SDK1: variants seen among roughly 807,000 people sequenced by gnomAD.
SDK1 encodes the protein protein sidekick-1.
SDK1 carries 157 observed loss-of-function variants against 245.5 expected under a neutral mutation model. That is an observed-to-expected ratio of 0.64 (90% CI 0.56 to 0.73). The LOEUF (loss-of-function observed/expected upper bound fraction) is 0.73, where lower values mean the gene tolerates loss of function less well. SDK1 is among the 30% of genes least tolerant of loss of function. SDK1 has a pLI of 0.00. For missense variants in SDK1, 3,583 were observed against 3,002.3 expected, an observed-to-expected ratio of 1.19 and a Z score of -4.52; for synonymous variants, 1,647 against 1,278.5, an observed-to-expected ratio of 1.29 and a Z score of -6.15.
intron 13 of SDK1, 197 bp downstream of exon 13, chr7:3,974,742 G>GT: frequency 1.9e-6 from 1 of 533,898 alleles, no homozygotes; most frequent in Middle Eastern, 4.7e-4. Flanking sequence ...GAATTGAGAA[G>GT]TTTCGTTTTT....
At chr7:3,504,178 A>ATGTGTGTGTGTG (rs1159786202) in intron 1 of SDK1, among the ~76,000 whole-genome samples, 55 of 52,428 alleles carry the variant, frequency 1.0e-3, no homozygotes, top group South Asian at 4.3e-3. Context: ...TTATATATAT[A>ATGTGTGTGTGTG]TATATGTGTG....
intron 8 of SDK1, among the ~76,000 whole-genome samples, chr7:3,961,237 G>A (rs956510652): frequency 2.0e-5 from 3 of 152,196 alleles, no homozygotes; most frequent in African/African-American, 7.2e-5. Context: ...TCATGTAACT[G>A]CTATTATGAG....
At chr7:3,620,752 G>C (rs1165390708) in intron 2 of SDK1, among the ~76,000 whole-genome samples, 1 of 152,088 alleles carries the variant, frequency 6.6e-6, no homozygotes, top group Non-Finnish European at 1.5e-5. Context: ...TCAAAGGCAT[G>C]GACACTCCCT....
At chr7:3,787,599 T>C (rs1360461471) in intron 4 of SDK1, among the ~76,000 whole-genome samples, 1 of 152,208 alleles carries the variant, frequency 6.6e-6, no homozygotes, top group African/African-American at 2.4e-5. Flanking sequence ...TACCATTTTA[T>C]AAATACGAAG....
chr7:4,155,758 A>G (rs1033420762), intron 30 of SDK1, among the ~76,000 whole-genome samples: 10 of 152,158 alleles, frequency 6.6e-5, no homozygotes, highest in Non-Finnish European at 1.3e-4. Flanking sequence ...ATCCTTATTC[A>G]ATCCTTCCAC....
chr7:4,073,491 G>A (rs960891669), intron 20 of SDK1, among the ~76,000 whole-genome samples: 1 of 152,174 alleles, frequency 6.6e-6, no homozygotes, highest in African/African-American at 2.4e-5. Context: ...TGGAATTGCC[G>A]TGTTTCAGCT....
intron 17 of SDK1, among the ~76,000 whole-genome samples, chr7:4,031,994 T>A (rs983040105): frequency 6.3e-5 from 9 of 143,758 alleles, no homozygotes; most frequent in Non-Finnish European, 1.3e-4. Flanking sequence ...GCCACTGCAC[T>A]CCAGCCTGGG....
At chr7:3,840,990 G>A (rs2115087886) in intron 5 of SDK1, among the ~76,000 whole-genome samples, 1 of 152,286 alleles carries the variant, frequency 6.6e-6, no homozygotes, top group Non-Finnish European at 1.5e-5. Context: ...CTGGGGATGT[G>A]TTATTACCAA....
intron 1 of SDK1, among the ~76,000 whole-genome samples, chr7:3,448,827 G>A (rs1024135515): frequency 3.3e-5 from 5 of 152,100 alleles, no homozygotes; most frequent in South Asian, 2.1e-4. Context: ...TTAAAAGCAG[G>A]ATTTAGTAAG....
At position 3,421,092 on chromosome 7, in the gene SDK1, C is replaced by CTT. The variant is rs570530094; in HGVS notation, c.298+119221_298+119222dup. ...TTTTTAACAGCAAATCTGTACTCTC[C>CTT]TTTTTTTTTTTTTTGGTGGCCCAGG... On this transcript the variant is annotated intron_variant, in intron 1 of 44. Coordinates refer to ENST00000404826, the MANE Select transcript of SDK1 (RefSeq NM_152744.4). Among the ~76,000 whole-genome samples the CTT allele has an allele frequency of 4.4e-4, 60 of 137,120 alleles. 1 individual carries two copies. Among genetic ancestry groups the CTT allele is most frequent in the African/African-American group, 1.1e-3 (39 of 36,796 alleles). 90.0% of individuals were successfully genotyped at this position (137,120 alleles called of 152,430 possible).
At chr7:4,114,507 C>T (rs1783571751) in intron 25 of SDK1, among the ~76,000 whole-genome samples, 1 of 152,196 alleles carries the variant, frequency 6.6e-6, no homozygotes, top group African/African-American at 2.4e-5. Flanking sequence ...AGGGGATCGA[C>T]TCACATTACT....
intron 2 of SDK1, among the ~76,000 whole-genome samples, chr7:3,636,111 G>A (rs1782451197): frequency 6.6e-6 from 1 of 152,124 alleles, no homozygotes; most frequent in Non-Finnish European, 1.5e-5. Flanking sequence ...AGCTTGATGA[G>A]TTGGGAGATA....
rs889412876 is a variant in SDK1, at chr7:3,919,550, AAGAT to A, written c.848-31369_848-31366del. On this transcript the variant is annotated intron_variant, in intron 5 of 44. Coordinates refer to ENST00000404826, the MANE Select transcript of SDK1 (RefSeq NM_152744.4). ...AAGAGCACCCTCCCTGGTGAACTGA[AAGAT>A]AGACAATATCCATAATGTCGAGGCA... Among the ~76,000 whole-genome samples the A allele has an allele frequency of 3.2e-4, 48 of 152,284 alleles. 1 individual carries two copies. Among genetic ancestry groups the A allele is most frequent in the African/African-American group, 1.2e-3 (48 of 41,556 alleles).
chr7:3,797,380 G>C (rs7812008), intron 4 of SDK1, among the ~76,000 whole-genome samples: 6,214 of 150,220 alleles, frequency 0.041, 425 homozygotes, highest in African/African-American at 0.14. Context: ...ATATAAATAA[G>C]CTAATGTATA....
chr7:3,303,476 C>G (rs771280594), intron 1 of SDK1, among the ~76,000 whole-genome samples: 2 of 152,170 alleles, frequency 1.3e-5, no homozygotes, highest in Non-Finnish European at 2.9e-5. Context: ...AAGTTTTTAT[C>G]AGTTGCACTT....
intron 4 of SDK1, among the ~76,000 whole-genome samples, chr7:3,787,629 C>A (rs1562443153): frequency 6.6e-6 from 1 of 152,108 alleles, no homozygotes; most frequent in Non-Finnish European, 1.5e-5. Flanking sequence ...TCTGGAAGAC[C>A]ATTCCTTTTT....
At chr7:4,232,606 C>A (rs967431656) in intron 40 of SDK1, among the ~76,000 whole-genome samples, 3 of 151,928 alleles carry the variant, frequency 2.0e-5, no homozygotes, top group African/African-American at 7.3e-5. Context: ...GTAGGGACCA[C>A]AGGTGCATGC....
intron 5 of SDK1, among the ~76,000 whole-genome samples, chr7:3,914,899 G>A (rs73036491): frequency 0.016 from 2,474 of 152,340 alleles, 29 homozygotes; most frequent in Non-Finnish European, 0.027. Flanking sequence ...TCGAAAGCGA[G>A]TGTGTTTGAT....
intron 6 of SDK1, 127 bp from the exon 7 acceptor site, chr7:3,951,603 G>T (rs188241426): frequency 2.3e-4 from 174 of 742,654 alleles, no homozygotes; most frequent in Non-Finnish European, 3.4e-4. Context: ...TTCAGTGTCC[G>T]TTGTTCAACC....
Sources: gnomAD v4.1 joint callset for allele counts (sites outside exome capture counted in the v4.1 genomes callset) on GRCh38, gnomAD v4.1.1 for gene constraint, MANE v1.5 for transcripts, NCBI Gene and HGNC (gene_info 2026-07-23, HGNC 2026-07-21) for gene names.